CSGALNACT1: variants seen among roughly 807,000 people sequenced by gnomAD.
CSGALNACT1 encodes the protein chondroitin sulfate N-acetylgalactosaminyltransferase 1, also known as beta4GalNAcT-1.
In CSGALNACT1, 52 loss-of-function variants were observed where a neutral mutation model predicts 51.0. The observed-to-expected ratio is 1.02, with a 90% CI of 0.82 to 1.29. The LOEUF (loss-of-function observed/expected upper bound fraction) is 1.29, where lower values mean the gene tolerates loss of function less well. Among genes scored for constraint, CSGALNACT1 ranks in the 50% most tolerant of loss-of-function variants. The probability of loss-of-function intolerance (pLI) is 0.00; values close to 1 mark genes in which losing one functional copy is unlikely to be tolerated. For synonymous variants in CSGALNACT1, 341 were observed against 254.4 expected (o/e 1.34, Z -3.24); for missense variants, 935 against 679.2 (o/e 1.38, Z -4.19).
At chr8:19,448,684 G>A (rs2062569008) in intron 5 of CSGALNACT1, among the ~76,000 whole-genome samples, 1 of 152,150 alleles carries the variant, frequency 6.6e-6, no homozygotes, top group Non-Finnish European at 1.5e-5. Flanking sequence ...ATGAACAAGG[G>A]CAGAGGCAGG....
At chr8:19,689,059 A>G (rs912767001) in intron 1 of CSGALNACT1, 1 of 152,206 alleles carries the variant, frequency 6.6e-6, no homozygotes, top group African/African-American at 2.4e-5. Flanking sequence ...CTAATGGAGT[A>G]TGGCAGTTTT....
upstream of CSGALNACT1, among the ~76,000 whole-genome samples, chr8:19,602,956 T>G (rs1008375875): frequency 6.6e-6 from 1 of 151,520 alleles, no homozygotes; most frequent in Non-Finnish European, 1.5e-5. Context: ...TATCCATCTA[T>G]ATATGTATTT....
At chr8:19,538,651 C>G (rs539808529) in intron 3 of CSGALNACT1, among the ~76,000 whole-genome samples, 8 of 152,074 alleles carry the variant, frequency 5.3e-5, no homozygotes, top group African/African-American at 1.7e-4. Context: ...TGAGGGAGAC[C>G]GGGGGAGGTA....
intron 4 of CSGALNACT1, among the ~76,000 whole-genome samples, chr8:19,461,392 G>T (rs369234439): frequency 6.6e-6 from 1 of 152,092 alleles, no homozygotes; most frequent in African/African-American, 2.4e-5. Context: ...GAGTCTGAAA[G>T]CAGCCACATT....
At chr8:19,432,502 C>T (rs1413889374) in intron 6 of CSGALNACT1, among the ~76,000 whole-genome samples, 2 of 152,066 alleles carry the variant, frequency 1.3e-5, no homozygotes, top group Non-Finnish European at 2.9e-5. Context: ...GCCATTATTT[C>T]TTCAAATATT....
At chr8:19,667,756 A>G (rs1365018111) in intron 1 of CSGALNACT1, among the ~76,000 whole-genome samples, 2 of 147,876 alleles carry the variant, frequency 1.4e-5, no homozygotes, top group Non-Finnish European at 2.9e-5. Flanking sequence ...ATAGGCCATA[A>G]ATCACTAACT....
intron 1 of CSGALNACT1, among the ~76,000 whole-genome samples, chr8:19,645,149 A>C (rs757318328): frequency 5.3e-5 from 8 of 152,268 alleles, no homozygotes; most frequent in Non-Finnish European, 8.8e-5. Context: ...GCTCTCACCA[A>C]GGCAGGAGGC....
intron 1 of CSGALNACT1, among the ~76,000 whole-genome samples, chr8:19,659,442 T>C (rs1293912061): frequency 6.6e-6 from 1 of 152,188 alleles, no homozygotes; most frequent in Non-Finnish European, 1.5e-5. Context: ...TTCAAACTCT[T>C]CTCCAAAGGC....
At chr8:19,506,491 G>A (rs1186343535) in intron 3 of CSGALNACT1, among the ~76,000 whole-genome samples, 2 of 152,198 alleles carry the variant, frequency 1.3e-5, no homozygotes, top group African/African-American at 4.8e-5. Flanking sequence ...AAATGTTAAT[G>A]ACACTGGAGT....
intron 1 of CSGALNACT1, among the ~76,000 whole-genome samples, chr8:19,753,751 C>T (rs906209292): frequency 1.3e-5 from 2 of 152,174 alleles, no homozygotes; most frequent in East Asian, 1.9e-4. Flanking sequence ...ATAATGTTCT[C>T]ATTCATTTAC....
At chr8:19,412,649 G>A (rs536671560) in intron 8 of CSGALNACT1, among the ~76,000 whole-genome samples, 1 of 152,346 alleles carries the variant, frequency 6.6e-6, no homozygotes, top group South Asian at 2.1e-4. Flanking sequence ...TAGCTGCACA[G>A]GGCCCCCATA....
chr8:19,533,587 G>T (rs2083195570), intron 3 of CSGALNACT1, among the ~76,000 whole-genome samples: 1 of 151,994 alleles, frequency 6.6e-6, no homozygotes, highest in Admixed American at 6.6e-5. Flanking sequence ...CCTTTCTATG[G>T]CTCATATAGA....
intron 1 of CSGALNACT1, among the ~76,000 whole-genome samples, chr8:19,643,056 A>G (rs1589226546): frequency 6.6e-6 from 1 of 152,132 alleles, no homozygotes; most frequent in Non-Finnish European, 1.5e-5. Context: ...AATCACACAC[A>G]TAAAATATAC....
chr8:19,693,374 T>C (rs2061427636), intron 1 of CSGALNACT1, among the ~76,000 whole-genome samples: 1 of 152,134 alleles, frequency 6.6e-6, no homozygotes, highest in South Asian at 2.1e-4. Context: ...CCTCTCTCTG[T>C]TCTACCAGCC....
At chr8:19,687,045 G>A (rs1052007658), upstream of CSGALNACT1, among the ~76,000 whole-genome samples, 3 of 152,140 alleles carry the variant, frequency 2.0e-5, no homozygotes, top group Admixed American at 1.3e-4. Context: ...CAAATGCCCT[G>A]TATAACTTAA....
chr8:19,698,100 G>A (rs560303777), intron 1 of CSGALNACT1, among the ~76,000 whole-genome samples: 1 of 152,186 alleles, frequency 6.6e-6, no homozygotes, highest in Non-Finnish European at 1.5e-5. Flanking sequence ...AAGTGAGAAG[G>A]CTGCTGGGGA....
Position 19,697,522 on chromosome 8 carries a change from C to A in CSGALNACT1, c.-297+60328G>T, listed in dbSNP as rs1054066165. ...ATGACTGGGCACCAAATCTCAGGGC[C>A]GGGCAGAGCTAAAACAGAAGAAAAG... On this transcript the variant is annotated intron_variant, in intron 1 of 1. Transcript: ENST00000517494. 2.6e-5 allele frequency among the ~76,000 whole-genome samples: 4 copies of A among 152,168 alleles called. No individual in the cohort carries two copies. In the South Asian group the frequency reaches 8.3e-4, roughly 32 times the overall value.
chr8:19,528,937 G>C (rs923307808), intron 3 of CSGALNACT1, among the ~76,000 whole-genome samples: 1 of 152,172 alleles, frequency 6.6e-6, no homozygotes, highest in African/African-American at 2.4e-5. Context: ...AGGGCACACA[G>C]CCTTCAGAAG....
At chr8:19,412,314 C>T (rs761504140) in intron 8 of CSGALNACT1, among the ~76,000 whole-genome samples, 10 of 152,154 alleles carry the variant, frequency 6.6e-5, no homozygotes, top group South Asian at 2.1e-4. Context: ...GCTCTGTGGA[C>T]GATTCACGTG....
Sources: allele counts gnomAD v4.1 joint callset (sites outside exome capture counted in the v4.1 genomes callset), GRCh38; gene constraint gnomAD v4.1.1; transcripts MANE v1.5; gene names NCBI Gene and HGNC (gene_info 2026-07-23, HGNC 2026-07-21).